CADM2: variants seen among roughly 807,000 people sequenced by gnomAD.
CADM2 encodes the protein immunoglobulin superfamily member 4D.
Under a neutral mutation model 49.8 loss-of-function variants are expected in CADM2, and 12 were observed. The ratio of observed to expected loss-of-function variants is 0.24; its 90% confidence interval spans 0.15 to 0.39. The LOEUF is 0.39. Among genes scored for constraint, CADM2 ranks in the 10% least tolerant of loss-of-function variants. The pLI is 1.00. For synonymous variants in CADM2, 214 were observed against 175.4 expected (o/e 1.22, Z -1.74); for missense variants, 378 against 492.3 (o/e 0.77, Z 2.20).
intron 1 of CADM2, among the ~76,000 whole-genome samples, chr3:85,008,198 G>A (rs7651996): frequency 1.3e-5 from 2 of 151,832 alleles, no homozygotes; most frequent in African/African-American, 2.4e-5. Flanking sequence ...AGAGGACCTC[G>A]TAATCTATTT....
intron 5 of CADM2, among the ~76,000 whole-genome samples, chr3:85,887,245 C>G (rs1713796542): frequency 1.3e-5 from 2 of 152,024 alleles, no homozygotes; most frequent in African/African-American, 4.8e-5. Flanking sequence ...CACGACCATG[C>G]TTGGCTAACT....
intron 1 of CADM2, among the ~76,000 whole-genome samples, chr3:85,448,556 C>G (rs1031690425): frequency 3.3e-5 from 5 of 151,980 alleles, no homozygotes; most frequent in Non-Finnish European, 7.4e-5. Context: ...ACCTATGACT[C>G]TCTCTTTAAA....
At position 85,157,376 on chromosome 3, in the gene CADM2, C is replaced by T. The variant is rs539899251; in HGVS notation, c.61+197708C>T. Among the ~76,000 whole-genome samples the T allele has an allele frequency of 3.1e-3, 476 of 151,488 alleles. 5 individuals are homozygous for T. The highest frequency in any genetic ancestry group is 0.011 in the African/African-American group (439 of 41,206). ...TATGGAACCAAAAAAGAGCCCGCAT[C>T]GCCAAGTCAATCCTAAGCCAAAAGA... On this transcript the variant is annotated intron_variant, in intron 1 of 9. Transcript: ENST00000383699.
chr3:85,007,876 T>C (rs1257313118), intron 1 of CADM2, among the ~76,000 whole-genome samples: 1 of 152,174 alleles, frequency 6.6e-6, no homozygotes, highest in Non-Finnish European at 1.5e-5. Flanking sequence ...AAATCACTTC[T>C]GTTAAGAACT....
chr3:85,439,291 T>C (rs868238663), intron 1 of CADM2, among the ~76,000 whole-genome samples: 1 of 151,844 alleles, frequency 6.6e-6, no homozygotes, highest in African/African-American at 2.4e-5. Context: ...GTAGCTGGGA[T>C]TACAGGCATG....
intron 1 of CADM2, among the ~76,000 whole-genome samples, chr3:85,343,721 A>G (rs1323575760): frequency 6.6e-6 from 1 of 152,206 alleles, no homozygotes; most frequent in Non-Finnish European, 1.5e-5. Flanking sequence ...GGCAGTTCAT[A>G]GAAGAGGAAG....
intron 1 of CADM2, among the ~76,000 whole-genome samples, chr3:85,615,249 GAGAA>G (rs1003794237): frequency 3.4e-4 from 52 of 151,964 alleles, no homozygotes; most frequent in African/African-American, 1.1e-3. Flanking sequence ...AAGAAAGAAA[GAGAA>G]AGAAAGAAAA....
At chr3:85,811,161 T>C (rs1394253185) in intron 3 of CADM2, among the ~76,000 whole-genome samples, 2 of 152,188 alleles carry the variant, frequency 1.3e-5, no homozygotes, top group African/African-American at 4.8e-5. Context: ...CCATATTTGA[T>C]ATTATATTTT....
intron 1 of CADM2, among the ~76,000 whole-genome samples, chr3:85,546,058 C>G (rs1444646519): frequency 6.6e-6 from 1 of 152,048 alleles, no homozygotes; most frequent in South Asian, 2.1e-4. Flanking sequence ...TATACCTGAC[C>G]ATGGCAGCTC....
chr3:84,992,348 A>G (rs2032938740), intron 1 of CADM2, among the ~76,000 whole-genome samples: 2 of 152,206 alleles, frequency 1.3e-5, no homozygotes, highest in African/African-American at 4.8e-5. Context: ...TTTAACATTC[A>G]GAAAGGGGAT....
At chr3:85,456,225 G>A (rs2037982278) in intron 1 of CADM2, among the ~76,000 whole-genome samples, 1 of 152,132 alleles carries the variant, frequency 6.6e-6, no homozygotes, top group African/African-American at 2.4e-5. Flanking sequence ...ACATTATCTA[G>A]ACAGTCTGAA....
At chr3:85,347,138 C>T (rs1272107940) in intron 1 of CADM2, among the ~76,000 whole-genome samples, 1 of 128,090 alleles carries the variant, frequency 7.8e-6, no homozygotes. Context: ...CAGGAGAATA[C>T]TTGAATCCAG....
At chr3:86,032,623 A>AT (rs779980677) in intron 8 of CADM2, among the ~76,000 whole-genome samples, 1 of 151,874 alleles carries the variant, frequency 6.6e-6, no homozygotes, top group Non-Finnish European at 1.5e-5. Flanking sequence ...ACCATACTTA[A>AT]TGCAGGTTTA....
intron 1 of CADM2, among the ~76,000 whole-genome samples, chr3:85,570,610 A>G (rs572100626): frequency 6.6e-6 from 1 of 152,284 alleles, no homozygotes; most frequent in African/African-American, 2.4e-5. Context: ...CGTTTTTAAA[A>G]ACTGATTTTG....
chr3:85,828,999 A>G (rs528453387), intron 3 of CADM2, among the ~76,000 whole-genome samples: 20 of 152,052 alleles, frequency 1.3e-4, no homozygotes, highest in African/African-American at 4.3e-4. Context: ...CCCAGAAATT[A>G]TTTTATTTGA....
chr3:84,975,442 T>C (rs917548903), intron 1 of CADM2, among the ~76,000 whole-genome samples: 19 of 151,818 alleles, frequency 1.3e-4, no homozygotes, highest in African/African-American at 4.6e-4. Flanking sequence ...GTTACGTTTC[T>C]TAAGGATTTT....
intron 1 of CADM2, among the ~76,000 whole-genome samples, chr3:85,349,682 A>G (rs1222518818): frequency 1.3e-5 from 2 of 152,242 alleles, no homozygotes; most frequent in South Asian, 2.1e-4. Context: ...TATCACCAAC[A>G]GAAACTGTTG....
chr3:84,980,005 T>C (rs917443259), intron 1 of CADM2, among the ~76,000 whole-genome samples: 3 of 152,190 alleles, frequency 2.0e-5, no homozygotes, highest in Non-Finnish European at 4.4e-5. Flanking sequence ...CAAATACCTA[T>C]TATTTCCTTT....
chr3:85,969,462 G>C (rs1725845801), intron 8 of CADM2, among the ~76,000 whole-genome samples: 1 of 151,302 alleles, frequency 6.6e-6, no homozygotes, highest in South Asian at 2.1e-4. Flanking sequence ...TTCTTATTCA[G>C]ATCTCAGATT....
Sources: gnomAD v4.1 joint callset for allele counts (sites outside exome capture counted in the v4.1 genomes callset) on GRCh38, gnomAD v4.1.1 for gene constraint, MANE v1.5 for transcripts, NCBI Gene and HGNC (gene_info 2026-07-23, HGNC 2026-07-21) for gene names.